The following PRDM9 variants were observed in gnomAD, a reference collection of about 807,000 sequenced individuals.
PRDM9 encodes the protein histone-lysine N-methyltransferase PRDM9.
Under a neutral mutation model 55.6 loss-of-function variants are expected in PRDM9, and 47 were observed. That is an observed-to-expected ratio of 0.85 (90% CI 0.67 to 1.08). The LOEUF (loss-of-function observed/expected upper bound fraction) is 1.08, where lower values mean the gene tolerates loss of function less well. Among genes scored for constraint, PRDM9 ranks in the 50% least tolerant of loss-of-function variants. The probability of loss-of-function intolerance (pLI) is 0.00; values close to 1 mark genes in which losing one functional copy is unlikely to be tolerated. For missense variants in PRDM9, 867 were observed against 1,040.3 expected (o/e 0.83, Z 2.29); for synonymous variants, 312 against 375.7 (o/e 0.83, Z 1.96).
Position 23,526,644 on chromosome 5 carries a change from C to T in PRDM9, c.1556C>T (p.Ser519Leu). ...TGKLFVGVGI[S>L]RIAKVKYGEC... is the part of the protein sequence containing the mutation. Reference sequence around the variant, plus strand: ...AAATTATTTGTGGGGGTAGGAATCTCAAGAATTGCAAAAGTCAAGTATGGA... The same window carrying T: ...AAATTATTTGTGGGGGTAGGAATCTTAAGAATTGCAAAAGTCAAGTATGGA... Residue 519 changes from serine to leucine, a missense_variant, in exon 11 of 11, where the codon TCA (serine) becomes TTA (leucine). Around this residue, in one of 5 missense-constraint regions of PRDM9, gnomAD observed 662 missense variants for 711.9 expected, o/e 0.93. Coordinates refer to ENST00000296682, the MANE Select transcript of PRDM9 (RefSeq NM_020227.4). The T allele has an allele frequency of 2.5e-6, 4 of 1,614,166 alleles. No homozygotes were observed. The highest frequency in any genetic ancestry group is 2.5e-6 in the Non-Finnish European group (3 of 1,180,016).
At chr5:23,513,037 T>G (rs1445654864) in intron 4 of PRDM9, among the ~76,000 whole-genome samples, 2 of 152,212 alleles carry the variant, frequency 1.3e-5, no homozygotes, top group East Asian at 3.8e-4. Flanking sequence ...TCAATGGATA[T>G]TAGGTTGCTT....
In PRDM9 at chr5:23,527,419, C is replaced by T. The variant is rs188517683; in HGVS notation, c.2331C>T (p.Val777=). The change falls in exon 11 of 11, where the codon GTC becomes GTT. Residue 777 remains valine (V), a synonymous_variant. Coordinates refer to ENST00000296682, the MANE Select transcript of PRDM9 (RefSeq NM_020227.4). ...CACACACAGGGGAGAAGCCCTATGT[C>T]TGCAGGGAGTGTGGGCGGGGCTTTA... The part of the protein sequence containing the change: ...QRTHTGEKPY[V]CRECGRGFRD... The T allele has an allele frequency of 7.7e-3, 11,883 of 1,534,310 alleles. 125 individuals carry two copies. Among genetic ancestry groups the T allele is most frequent in the Middle Eastern group, 0.013 (77 of 5,842 alleles).
chr5:23,522,251 A>G (rs1739340176), intron 6 of PRDM9, 53 bp from the exon 7 acceptor site: 2 of 1,426,210 alleles, frequency 1.4e-6, no homozygotes, highest in Admixed American at 1.7e-5. Flanking sequence ...TTATGAAACA[A>G]GGACAAACAC....
Position 23,528,019 on chromosome 5 carries a change from G to T in PRDM9, c.*246G>T. 2 of 614,428 alleles carry T rather than the reference G, an allele frequency of 3.3e-6. No individual in the cohort carries two copies. Among genetic ancestry groups the T allele is most frequent in the Non-Finnish European group, 5.6e-6 (2 of 355,306 alleles). The allele number at this position is 614,428 out of a possible 1,614,324, so 38.1% of individuals were successfully genotyped here. ...ACATCAGCATGTGTGGTTCTTTCCCGCACTGATCCCCTCCATTTTTTGTTT... is the reference window on the plus strand; with the variant it reads ...ACATCAGCATGTGTGGTTCTTTCCCTCACTGATCCCCTCCATTTTTTGTTT... On this transcript the variant is annotated 3_prime_UTR_variant, in exon 11 of 11. Transcript: ENST00000296682.
chr5:23,508,291 A>C (rs1316699304), intron 1 of PRDM9, among the ~76,000 whole-genome samples: 1 of 151,772 alleles, frequency 6.6e-6, no homozygotes, highest in Non-Finnish European at 1.5e-5. Flanking sequence ...AAGACCCCAA[A>C]TCTCATCCTG....
At chr5:23,515,724 G>T (rs1340625605) in intron 4 of PRDM9, among the ~76,000 whole-genome samples, 1 of 152,036 alleles carries the variant, frequency 6.6e-6, no homozygotes. Context: ...CTTCTCTTTT[G>T]CATATGTATA....
At chr5:23,510,627 G>GGATGAT (rs201050539) in intron 4 of PRDM9, among the ~76,000 whole-genome samples, 8,668 of 142,786 alleles carry the variant, frequency 0.061, 309 homozygotes, top group East Asian at 0.12. Context: ...CAAAGTGCTG[G>GGATGAT]GATGATGATG....
intron 4 of PRDM9, among the ~76,000 whole-genome samples, chr5:23,513,024 T>C (rs1739131381): frequency 6.6e-6 from 1 of 152,204 alleles, no homozygotes; most frequent in Non-Finnish European, 1.5e-5. Flanking sequence ...ATCCATTCAT[T>C]TGTCAATGGA....
Position 23,524,419 on chromosome 5 carries a change from G to A in PRDM9, c.1036G>A (p.Val346Ile), listed in dbSNP as rs1189308207. The change falls in exon 10 of 11, where the codon GTC becomes ATC. Residue 346 changes from valine (V) to isoleucine (I), a missense_variant. Physicochemically the swap from Val to Ile is conservative, Grantham distance 29 (BLOSUM62 3). This residue lies in a region of PRDM9 where 662 missense variants were observed against 711.9 expected (regional missense o/e 0.93). Transcript: ENST00000296682. ...GCAGATCTTCTATAGAACCTGCCGAGTCATTAGGCCAGGCTGTGAACTGCT... is the reference window on the plus strand; with the variant it reads ...GCAGATCTTCTATAGAACCTGCCGAATCATTAGGCCAGGCTGTGAACTGCT... ...HRQIFYRTCRVIRPGCELLVW... is the reference protein window; with the variant it reads ...HRQIFYRTCRIIRPGCELLVW... 7 of 1,613,898 alleles carry A rather than the reference G, an allele frequency of 4.3e-6. No individual in the cohort carries two copies. The African/African-American group carries it at 8.0e-5, about 18-fold the overall frequency.
chr5:23,526,725 A>C lies in PRDM9; in HGVS notation c.1637A>C (p.His546Pro). The change falls in exon 11 of 11, where the codon CAT (histidine) becomes CCT (proline). Residue 546 changes from histidine (H) to proline (P), a missense_variant. Coordinates refer to ENST00000296682, the MANE Select transcript of PRDM9 (RefSeq NM_020227.4). ...KSDVITHQRT[H>P]TGEKLYVCRE... ...GATGTTATTACACACCAAAGGACAC[A>C]TACAGGGGAGAAGCTCTACGTCTGC... 1 of 1,614,238 alleles carries C rather than the reference A, an allele frequency of 6.2e-7. No homozygotes were observed. The highest frequency in any genetic ancestry group is 1.3e-5 in the African/African-American group (1 of 75,068).
At chr5:23,525,587 T>G (rs1259018081) in intron 10 of PRDM9, among the ~76,000 whole-genome samples, 1 of 152,192 alleles carries the variant, frequency 6.6e-6, no homozygotes, top group African/African-American at 2.4e-5. Context: ...CACTCTGTGT[T>G]GGCCAACCTG....
In PRDM9 at chr5:23,527,693, T is replaced by A. The variant is rs761207382; in HGVS notation, c.2605T>A (p.Phe869Ile). 27 of 1,582,894 alleles carry A rather than the reference T, an allele frequency of 1.7e-5. No individual in the cohort carries two copies. The highest frequency in any genetic ancestry group is 2.1e-5 in the Non-Finnish European group (25 of 1,164,806). ...PYVCRECGRG[F>I]SDRSSLCYHQ... ...CGTCTGCAGGGAGTGTGGGCGGGGC[T>A]TTAGCGATAGGTCAAGCCTCTGCTA... is the stretch of plus-strand genomic sequence containing the variant. The change falls in exon 11 of 11, where the codon TTT (phenylalanine) becomes ATT (isoleucine). Residue 869 changes from phenylalanine to isoleucine, a missense_variant. Around this residue, in one of 5 missense-constraint regions of PRDM9, gnomAD observed 86 missense variants for 73.6 expected, o/e 1.17. Coordinates refer to ENST00000296682, the MANE Select transcript of PRDM9 (RefSeq NM_020227.4).
At chr5:23,517,375 A>G (rs1739234767) in intron 4 of PRDM9, among the ~76,000 whole-genome samples, 1 of 152,166 alleles carries the variant, frequency 6.6e-6, no homozygotes, top group Non-Finnish European at 1.5e-5. Flanking sequence ...AAAATTAGCA[A>G]TGCCTTTAAT....
chr5:23,508,397 G>A (rs1255311995), intron 1 of PRDM9, among the ~76,000 whole-genome samples: 1 of 151,812 alleles, frequency 6.6e-6, no homozygotes, highest in Non-Finnish European at 1.5e-5. Flanking sequence ...AATTTCTTCA[G>A]TCTAAGACAT....
At chr5:23,521,534 C>T (rs1300071548) in intron 6 of PRDM9, among the ~76,000 whole-genome samples, 1 of 152,142 alleles carries the variant, frequency 6.6e-6, no homozygotes, top group African/African-American at 2.4e-5. Context: ...GACAGGGTTT[C>T]ACCTTGTTGA....
chr5:23,507,522 T>C (rs1994929), upstream of PRDM9: 145,874 of 152,370 alleles, frequency 0.96, 69,912 homozygotes, highest in Admixed American at 0.98. Flanking sequence ...TCCTGACTGC[T>C]GAATGGCGGG....
At position 23,518,410 on chromosome 5, in the gene PRDM9, G is replaced by A. The variant is rs547280311; in HGVS notation, c.351+480G>A. ...AAAGTTTATGCTGTCTTACCCATAT[G>A]TGTTACATCATTCGTCCAACTGACT... On this transcript the variant is annotated intron_variant, in intron 5 of 10. Coordinates refer to ENST00000296682, the MANE Select transcript of PRDM9 (RefSeq NM_020227.4). 2.6e-5 allele frequency among the ~76,000 whole-genome samples: 4 copies of A among 152,306 alleles called. No homozygotes were observed. In the South Asian group the frequency reaches 8.3e-4, roughly 32 times the overall value.
At chr5:23,516,525 A>C (rs1739213217) in intron 4 of PRDM9, among the ~76,000 whole-genome samples, 1 of 151,166 alleles carries the variant, frequency 6.6e-6, no homozygotes, top group South Asian at 2.1e-4. Context: ...GGCGCCCGCC[A>C]CCATGCCTGG....
Position 23,521,134 on chromosome 5 carries a change from T to G in PRDM9, c.463T>G (p.Ser155Ala), listed in dbSNP as rs187402591. Residue 155 changes from serine to alanine, a missense_variant, in exon 6 of 11, where the codon TCT becomes GCT. Physicochemically the swap from Ser to Ala is moderately conservative, Grantham distance 99 (BLOSUM62 1). Transcript: ENST00000296682. ...SEQAQKPVSPSGEASTSGQHS... is the reference protein window; with the variant it reads ...SEQAQKPVSPAGEASTSGQHS... The stretch of plus-strand genomic sequence containing the variant: ...GCAGGCTCAGAAACCAGTGTCCCCT[T>G]CTGGAGAAGCAAGTACCTCTGGACA... 44 of 1,613,950 alleles carry G rather than the reference T, an allele frequency of 2.7e-5. No individual in the cohort carries two copies. Among genetic ancestry groups the G allele is most frequent in the Middle Eastern group, 3.4e-4 (2 of 5,866 alleles).
Sources: allele counts gnomAD v4.1 joint callset (sites outside exome capture counted in the v4.1 genomes callset), GRCh38; gene constraint gnomAD v4.1.1; regional missense constraint gnomAD v4.1.1; transcripts MANE v1.5; gene names NCBI Gene and HGNC (gene_info 2026-07-23, HGNC 2026-07-21).